Variants in TSFM observed in about 807,000 individuals in gnomAD.
The protein encoded by TSFM is elongation factor Ts, mitochondrial.
TSFM carries 29 observed loss-of-function variants against 33.4 expected under a neutral mutation model. The observed-to-expected ratio is 0.87, with a 90% CI of 0.65 to 1.18. The LOEUF is 1.18. Ranked by LOEUF, TSFM falls within the 50% of genes most tolerant of loss-of-function variation. The pLI is 0.00. For missense variants in TSFM, 394 were observed against 395.6 expected (o/e 1.00, Z 0.04); for synonymous variants, 178 against 163.5 (o/e 1.09, Z -0.68).
intron 5 of TSFM, among the ~76,000 whole-genome samples, chr12:57,793,709 A>G (rs1955695159): frequency 6.6e-6 from 1 of 152,230 alleles, no homozygotes; most frequent in South Asian, 2.1e-4. Context: ...AATTATTTTC[A>G]TCACTGTGCC....
chr12:57,795,685 G>A (rs1595147542), intron 5 of TSFM, among the ~76,000 whole-genome samples: 3 of 152,076 alleles, frequency 2.0e-5, no homozygotes, highest in African/African-American at 7.2e-5. Flanking sequence ...TACGATCTCG[G>A]CTCACTGCAA....
At chr12:57,800,290 A>G (rs1383448375), downstream of TSFM, 1 of 178,770 alleles carries the variant, frequency 5.6e-6, no homozygotes, top group African/African-American at 2.4e-5. Context: ...TCCTACTTAA[A>G]TACAATTTAA....
At chr12:57,790,849 G>A (rs962127587) in intron 4 of TSFM, among the ~76,000 whole-genome samples, 2 of 149,892 alleles carry the variant, frequency 1.3e-5, no homozygotes, top group Non-Finnish European at 3.0e-5. Context: ...CCAGCACTTC[G>A]GGGTTTTTTG....
At chr12:57,783,535 G>C in intron 2 of TSFM, 2 of 668,604 alleles carry the variant, frequency 3.0e-6, no homozygotes, top group South Asian at 3.0e-5. Context: ...GTTTGTGTGA[G>C]CTTTGGAGTC....
Position 57,796,775 on chromosome 12 carries a change from C to T in TSFM, c.*192C>T. ...GCTTTTCTGTGCCTTTCAAAAACAA[C>T]AGGTGGGCCTTATTGACGTGATAGT... On this transcript the variant is annotated 3_prime_UTR_variant, in exon 6 of 6. Coordinates refer to ENST00000652027, the MANE Select transcript of TSFM (RefSeq NM_005726.6). 4 of 1,214,484 alleles carry T rather than the reference C, an allele frequency of 3.3e-6. No individual in the cohort carries two copies. The highest frequency in any genetic ancestry group is 4.1e-6 in the Non-Finnish European group (4 of 977,774). 75.2% of individuals were successfully genotyped at this position (1,214,484 alleles called of 1,614,324 possible). A position where few individuals can be genotyped will look rare whatever the true frequency, so the allele number is the denominator to read the frequency against.
downstream of TSFM, chr12:57,797,596 CTCTT>C (rs1370469094): frequency 1.1e-6 from 1 of 935,260 alleles, no homozygotes. Flanking sequence ...TTTTTTGGTT[CTCTT>C]TCTTTTGATT....
In TSFM at chr12:57,791,942, A is replaced by G. The variant is rs928711242; in HGVS notation, c.484-1044A>G. ...TCTAGCTCTAACATTTTATGATTTT[A>G]TGAAAATATTGTTCTTGGCCAGGTG... is the stretch of plus-strand genomic sequence containing the variant. On this transcript the variant is annotated intron_variant, in intron 4 of 5. Transcript: ENST00000652027. 1.6e-5 allele frequency: 6 copies of G among 379,400 alleles called. No individual in the cohort carries two copies. In the Admixed American group the frequency reaches 1.8e-4, roughly 11 times the overall value. 23.5% of individuals were successfully genotyped at this position (379,400 alleles called of 1,614,324 possible). A position where few individuals can be genotyped will look rare whatever the true frequency, so the allele number is the denominator to read the frequency against.
intron 4 of TSFM, among the ~76,000 whole-genome samples, chr12:57,790,060 C>CTTTTTTTTTTTT (rs35382401): frequency 9.5e-6 from 1 of 105,440 alleles, no homozygotes; most frequent in Non-Finnish European, 1.8e-5. Flanking sequence ...TTCTTTCTTT[C>CTTTTTTTTTTTT]TTTTTTTTTT....
At chr12:57,787,897 A>T (rs1955610608) in intron 4 of TSFM, among the ~76,000 whole-genome samples, 1 of 152,078 alleles carries the variant, frequency 6.6e-6, no homozygotes, top group African/African-American at 2.4e-5. Flanking sequence ...CCCGGGCAAT[A>T]AGAGCAAAAC....
intron 4 of TSFM, among the ~76,000 whole-genome samples, chr12:57,789,783 T>C (rs1475279310): frequency 6.6e-6 from 1 of 152,258 alleles, no homozygotes; most frequent in Non-Finnish European, 1.5e-5. Flanking sequence ...TTTTATACAA[T>C]AAGTTATAAC....
At position 57,787,099 on chromosome 12, in the gene TSFM, A is replaced by G; in HGVS notation, c.420A>G (p.Gln140=). 4 of 1,611,186 alleles carry G rather than the reference A, an allele frequency of 2.5e-6. No individual in the cohort carries two copies. Among genetic ancestry groups the G allele is most frequent in the South Asian group, 1.1e-5 (1 of 90,630 alleles). The change falls in exon 4 of 6, where the codon CAA becomes CAG. Residue 140 remains glutamine (Q), a synonymous_variant. Coordinates refer to ENST00000652027, the MANE Select transcript of TSFM (RefSeq NM_005726.6). Reference sequence around the variant, plus strand: ...TAAAATTTCAACTGTTGGTCCAGCAAGTAGCCCTTGGAACCATGATGCATT... The same window carrying G: ...TAAAATTTCAACTGTTGGTCCAGCAGGTAGCCCTTGGAACCATGATGCATT... ...RNLKFQLLVQ[Q]VALGTMMHCQ...
chr12:57,800,279 G>A, downstream of TSFM: 1 of 188,182 alleles, frequency 5.3e-6, no homozygotes, highest in Non-Finnish European at 1.1e-5. Context: ...TTAGGTTGTA[G>A]TCCTACTTAA....
intron 2 of TSFM, among the ~76,000 whole-genome samples, chr12:57,785,903 C>A (rs111599543): frequency 6.6e-6 from 1 of 152,092 alleles, no homozygotes; most frequent in Non-Finnish European, 1.5e-5. Context: ...TCCAAAATAT[C>A]GTTATGTGGT....
chr12:57,795,896 G>T (rs1356088596), intron 5 of TSFM, among the ~76,000 whole-genome samples: 4 of 152,120 alleles, frequency 2.6e-5, no homozygotes, highest in African/African-American at 9.7e-5. Context: ...GATTACAGAC[G>T]TGAGCCACTA....
At chr12:57,802,559 G>A (rs761089097), downstream of TSFM, 23 of 738,756 alleles carry the variant, frequency 3.1e-5, no homozygotes, top group South Asian at 2.9e-4. Context: ...TTCCAGGTCT[G>A]CCTTTCCAAA....
At position 57,783,335 on chromosome 12, in the gene TSFM, C is replaced by G. The variant is rs1955540013; in HGVS notation, c.231+52C>G. The G allele has an allele frequency of 4.4e-6, 7 of 1,607,620 alleles. No individual in the cohort carries two copies. In the Admixed American group the frequency reaches 1.2e-4, roughly 27 times the overall value. ...GAGTACTAGAGCTCGACCTCAGACTCTTGGGGCGGTCACGCTGGGGAGCAT... is the reference window on the plus strand; with the variant it reads ...GAGTACTAGAGCTCGACCTCAGACTGTTGGGGCGGTCACGCTGGGGAGCAT... On this transcript the variant is annotated intron_variant, in intron 2 of 5. Coordinates refer to ENST00000652027, the MANE Select transcript of TSFM (RefSeq NM_005726.6).
At chr12:57,800,903 C>T (rs558118175), downstream of TSFM, among the ~76,000 whole-genome samples, 12 of 152,270 alleles carry the variant, frequency 7.9e-5, no homozygotes, top group Admixed American at 3.9e-4. Flanking sequence ...CCACCGCGCC[C>T]GGCCCCATTT....
chr12:57,799,632 T>G (rs751282652), downstream of TSFM, among the ~76,000 whole-genome samples: 14 of 152,110 alleles, frequency 9.2e-5, no homozygotes, highest in Non-Finnish European at 1.9e-4. Context: ...GAGAAAAGAA[T>G]CAAGAAAGAA....
At chr12:57,801,360 T>G, downstream of TSFM, 1 of 609,830 alleles carries the variant, frequency 1.6e-6, no homozygotes, top group Non-Finnish European at 2.9e-6. Context: ...TCCCCCCTTT[T>G]GGGTCCATGC....
Sources: gnomAD v4.1 joint callset for allele counts (sites outside exome capture counted in the v4.1 genomes callset) on GRCh38, gnomAD v4.1.1 for gene constraint, MANE v1.5 for transcripts, NCBI Gene and HGNC (gene_info 2026-07-23, HGNC 2026-07-21) for gene names.